Variants in PPIL6 observed in about 807,000 individuals in gnomAD.
PPIL6 encodes the protein probable inactive peptidyl-prolyl cis-trans isomerase-like 6.
PPIL6 carries 39 observed loss-of-function variants against 36.8 expected under a neutral mutation model. That is an observed-to-expected ratio of 1.06 (90% CI 0.82 to 1.38). The LOEUF (loss-of-function observed/expected upper bound fraction) is 1.38. Ranked by LOEUF, PPIL6 falls within the 40% of genes most tolerant of loss-of-function variation. PPIL6 has a pLI of 0.00. For missense variants in PPIL6, 368 were observed against 379.1 expected, an observed-to-expected ratio of 0.97 and a Z score of 0.24; for synonymous variants, 123 against 134.1, an observed-to-expected ratio of 0.92 and a Z score of 0.57.
rs900622646 is a variant in PPIL6, at chr6:109,391,780, G to T, written c.*1046C>A. On this transcript the variant is annotated 3_prime_UTR_variant, in exon 8 of 8. Transcript: ENST00000521072. ...CAAGCCCTTGGTTTTCATAGGGTTG[G>T]TATGGCTCAGAGAGATAAGGATGAT... 1.3e-5 allele frequency: 2 copies of T among 152,172 alleles called. No individual in the cohort carries two copies. The highest frequency in any genetic ancestry group is 2.9e-5 in the Non-Finnish European group (2 of 68,034). 9.4% of individuals were successfully genotyped at this position (152,172 alleles called of 1,614,324 possible). A position where few individuals can be genotyped will look rare whatever the true frequency, so the allele number is the denominator to read the frequency against.
chr6:109,418,455 C>T (rs1773373067), intron 6 of PPIL6, among the ~76,000 whole-genome samples: 1 of 151,964 alleles, frequency 6.6e-6, no homozygotes, highest in African/African-American at 2.4e-5. Flanking sequence ...TTGTCCTTAA[C>T]TGTTTGTATT....
intron 6 of PPIL6, among the ~76,000 whole-genome samples, chr6:109,400,665 T>G (rs1772490921): frequency 6.6e-6 from 1 of 152,132 alleles, no homozygotes; most frequent in Non-Finnish European, 1.5e-5. Context: ...TGGCATTTCT[T>G]CTCTAGTAGG....
chr6:109,428,521 A>G (rs1395703131), intron 3 of PPIL6, among the ~76,000 whole-genome samples: 1 of 149,926 alleles, frequency 6.7e-6, no homozygotes, highest in Non-Finnish European at 1.5e-5. Flanking sequence ...CCACTGCACT[A>G]CAGCCTGGGT....
At chr6:109,399,515 G>T (rs956835062) in intron 7 of PPIL6, among the ~76,000 whole-genome samples, 3 of 152,164 alleles carry the variant, frequency 2.0e-5, no homozygotes, top group Admixed American at 6.5e-5. Flanking sequence ...TGATTCTCCT[G>T]CCTCAGCCTC....
At chr6:109,436,814 G>A (rs907139007) in intron 1 of PPIL6, among the ~76,000 whole-genome samples, 1 of 152,214 alleles carries the variant, frequency 6.6e-6, no homozygotes. Context: ...GCACACAGCA[G>A]CTGAATAAAG....
At position 109,429,243 on chromosome 6, in the gene PPIL6, A is replaced by G. The variant is rs147705009; in HGVS notation, c.420+1914T>C. 3.3e-5 allele frequency among the ~76,000 whole-genome samples: 5 copies of G among 152,216 alleles called. No individual in the cohort carries two copies. In the East Asian group the frequency reaches 9.7e-4, roughly 29 times the overall value. On this transcript the variant is annotated intron_variant, in intron 3 of 7. Coordinates refer to ENST00000521072, the MANE Select transcript of PPIL6 (RefSeq NM_173672.5). ...TATGTCCAGCCCATGCTGCTATCCAATCCCCTGCTCCCAAGCTCTCCCCTA... is the reference window on the plus strand; with the variant it reads ...TATGTCCAGCCCATGCTGCTATCCAGTCCCCTGCTCCCAAGCTCTCCCCTA...
At chr6:109,400,586 AC>A (rs1772487178) in intron 6 of PPIL6, among the ~76,000 whole-genome samples, 2 of 151,910 alleles carry the variant, frequency 1.3e-5, no homozygotes, top group Admixed American at 6.6e-5. Flanking sequence ...TTTCCCCCGA[AC>A]CCCCCAAGCA....
Position 109,412,243 on chromosome 6 carries a change from T to C in PPIL6, c.688+6944A>G, listed in dbSNP as rs9480950. 2.7e-3 allele frequency among the ~76,000 whole-genome samples: 407 copies of C among 152,342 alleles called. 3 individuals are homozygous for C. The highest frequency in any genetic ancestry group is 9.5e-3 in the African/African-American group (394 of 41,580). On this transcript the variant is annotated intron_variant, in intron 6 of 7. Transcript: ENST00000521072. ...TGACTGTAAAACTGTCCTGAGCTGC[T>C]ACTCTCTGCCTACAGGGTAGCTCTG... is the stretch of plus-strand genomic sequence containing the variant.
intron 6 of PPIL6, among the ~76,000 whole-genome samples, chr6:109,417,744 G>A (rs1562264419): frequency 6.6e-6 from 1 of 152,112 alleles, no homozygotes. Flanking sequence ...TTGCATAAAG[G>A]CCATTGCGAC....
At chr6:109,418,959 T>A (rs1361845234) in intron 6 of PPIL6, among the ~76,000 whole-genome samples, 1 of 152,142 alleles carries the variant, frequency 6.6e-6, no homozygotes, top group Non-Finnish European at 1.5e-5. Context: ...AATTCTGGGA[T>A]TTACCCTAAA....
chr6:109,437,544 TTTTC>T (rs1363127015), intron 1 of PPIL6, among the ~76,000 whole-genome samples: 1 of 141,388 alleles, frequency 7.1e-6, no homozygotes, highest in African/African-American at 2.9e-5. Flanking sequence ...CTACTATTTC[TTTTC>T]TTTTTTTTTT....
chr6:109,422,408 A>G (rs563228682), intron 5 of PPIL6, among the ~76,000 whole-genome samples: 1 of 152,314 alleles, frequency 6.6e-6, no homozygotes, highest in East Asian at 1.9e-4. Context: ...CCTGGGCAAC[A>G]TACAGAGACC....
At chr6:109,437,548 C>CTT (rs71551374) in intron 1 of PPIL6, among the ~76,000 whole-genome samples, 747 of 97,874 alleles carry the variant, frequency 7.6e-3, no homozygotes, top group Middle Eastern at 0.016. Context: ...TATTTCTTTT[C>CTT]TTTTTTTTTT....
intron 6 of PPIL6, among the ~76,000 whole-genome samples, chr6:109,404,251 C>T (rs1772686256): frequency 6.6e-6 from 1 of 152,194 alleles, no homozygotes; most frequent in African/African-American, 2.4e-5. Context: ...CAGTCTCCTA[C>T]TGGACAGGAG....
intron 6 of PPIL6, among the ~76,000 whole-genome samples, chr6:109,416,011 G>A (rs993556312): frequency 1.3e-5 from 2 of 152,110 alleles, no homozygotes; most frequent in Non-Finnish European, 2.9e-5. Flanking sequence ...TAGAAAAAGG[G>A]TTCTCATTGT....
intron 1 of PPIL6, among the ~76,000 whole-genome samples, chr6:109,438,027 A>G (rs1030538536): frequency 1.8e-4 from 27 of 152,186 alleles, no homozygotes; most frequent in African/African-American, 5.8e-4. Context: ...ACAAATTTCA[A>G]TCTTTTGTGT....
chr6:109,416,408 G>A (rs1773256387), intron 6 of PPIL6, among the ~76,000 whole-genome samples: 1 of 151,604 alleles, frequency 6.6e-6, no homozygotes, highest in African/African-American at 2.4e-5. Flanking sequence ...TCACCATGTT[G>A]GCCAGGCTGG....
intron 6 of PPIL6, among the ~76,000 whole-genome samples, chr6:109,404,759 A>G (rs1772718954): frequency 6.6e-6 from 1 of 152,176 alleles, no homozygotes; most frequent in Non-Finnish European, 1.5e-5. Context: ...TTGGCCATCG[A>G]TTCAATAAAG....
Position 109,413,934 on chromosome 6 carries a change from C to T in PPIL6, c.688+5253G>A, listed in dbSNP as rs769312097. 7.3e-5 allele frequency among the ~76,000 whole-genome samples: 11 copies of T among 150,712 alleles called. No homozygotes were observed. Among genetic ancestry groups the T allele is most frequent in the Non-Finnish European group, 1.3e-4 (9 of 67,812 alleles). ...ATCAAAACAAATAAAATCATGGAGA[C>T]GAGAGTAGAAGGATGGTTACCAGAA... On this transcript the variant is annotated intron_variant, in intron 6 of 7. Coordinates refer to ENST00000521072, the MANE Select transcript of PPIL6 (RefSeq NM_173672.5). This position sits in a 1 kb window ranked among gnomAD's most constrained non-coding sequence, Gnocchi z 4.6.
Sources: allele counts gnomAD v4.1 joint callset (sites outside exome capture counted in the v4.1 genomes callset), GRCh38; gene constraint gnomAD v4.1.1; non-coding constraint Gnocchi (gnomAD v3.1); transcripts MANE v1.5; gene names NCBI Gene and HGNC (gene_info 2026-07-23, HGNC 2026-07-21).